The following PCNX2 variants were observed in gnomAD, a reference collection of about 807,000 sequenced individuals.
PCNX2 encodes pecanex-like protein 2.
PCNX2 carries 168 observed loss-of-function variants against 223.8 expected under a neutral mutation model. The observed-to-expected ratio is 0.75, with a 90% CI of 0.66 to 0.85. The LOEUF (loss-of-function observed/expected upper bound fraction) is 0.85, where lower values mean the gene tolerates loss of function less well. PCNX2 is among the 40% of genes least tolerant of loss of function. PCNX2 has a pLI of 0.00. For synonymous variants in PCNX2, 1,006 were observed against 1,052.6 expected (o/e 0.96, Z 0.86); for missense variants, 2,507 against 2,675.5 (o/e 0.94, Z 1.39).
At chr1:233,202,429 T>A (rs1681174137) in intron 13 of PCNX2, among the ~76,000 whole-genome samples, 1 of 152,226 alleles carries the variant, frequency 6.6e-6, no homozygotes, top group South Asian at 2.1e-4. Flanking sequence ...CTTATTTCTT[T>A]TATCAAATGT....
At position 233,295,158 on chromosome 1, in the gene PCNX2, C is replaced by T. The variant is rs761084845; in HGVS notation, c.153+168G>A. Among the ~76,000 whole-genome samples, 6 of 152,158 alleles carry T rather than the reference C, an allele frequency of 3.9e-5. No homozygotes were observed. The highest frequency in any genetic ancestry group is 7.4e-5 in the Non-Finnish European group (5 of 68,016). ...CTTTTCCAGTGAATCCTCACAGTCCCCTTTCCCTGCATGTTCTCTGTCCCA... is the reference window on the plus strand; with the variant it reads ...CTTTTCCAGTGAATCCTCACAGTCCTCTTTCCCTGCATGTTCTCTGTCCCA... On this transcript the variant is annotated intron_variant, in intron 1 of 33. Transcript: ENST00000258229. This position sits in a 1 kb window ranked among gnomAD's most constrained non-coding sequence, Gnocchi z 4.1.
rs1335728376 is a variant in PCNX2 at position 233,126,297 on chromosome 1, A to G, written c.3837+8716T>C. On this transcript the variant is annotated intron_variant, in intron 21 of 33. Coordinates refer to ENST00000258229, the MANE Select transcript of PCNX2 (RefSeq NM_014801.4). This position sits in a 1 kb window ranked among gnomAD's most constrained non-coding sequence, Gnocchi z 4.8. The stretch of plus-strand genomic sequence containing the variant: ...CCCAAGAAGTCCCAAGTACCACAGA[A>G]AAGCTTGGAAACAAACTAGGTGCCT... 1 of 152,222 alleles carries G rather than the reference A, an allele frequency of 6.6e-6. No homozygotes were observed. The highest frequency in any genetic ancestry group is 1.5e-5 in the Non-Finnish European group (1 of 68,044). 9.4% of individuals were successfully genotyped at this position (152,222 alleles called of 1,614,324 possible). A position where few individuals can be genotyped will look rare whatever the true frequency, so the allele number is the denominator to read the frequency against.
intron 8 of PCNX2, among the ~76,000 whole-genome samples, chr1:233,238,077 AG>A (rs1658526125): frequency 6.6e-6 from 1 of 152,218 alleles, no homozygotes; most frequent in African/African-American, 2.4e-5. Context: ...GAAGGGAACT[AG>A]TTTTTTGATG....
At chr1:233,049,193 A>T (rs1464374035) in intron 25 of PCNX2, among the ~76,000 whole-genome samples, 1 of 152,148 alleles carries the variant, frequency 6.6e-6, no homozygotes, top group African/African-American at 2.4e-5. Flanking sequence ...AAAAAAGAAA[A>T]TGACAGGCCA....
rs1223819289 is a variant in PCNX2, at chr1:233,295,520, T to G, written c.-42A>C. 1 of 1,480,548 alleles carries G rather than the reference T, an allele frequency of 6.8e-7. No individual in the cohort carries two copies. Among genetic ancestry groups the G allele is most frequent in the Non-Finnish European group, 9.0e-7 (1 of 1,115,440 alleles). 91.7% of individuals were successfully genotyped at this position (1,480,548 alleles called of 1,614,324 possible). On this transcript the variant is annotated 5_prime_UTR_variant, in exon 1 of 34. Coordinates refer to ENST00000258229, the MANE Select transcript of PCNX2 (RefSeq NM_014801.4). The surrounding 1 kb of genome is among the most constrained non-coding windows in gnomAD (Gnocchi z 4.1). ...GGCTGGTGAGCGCCCCGCTGCACCC[T>G]GCGCGCCCCGGCCGGATCTCCAGGC...
At chr1:233,318,535 C>T in the PCNX2 span, among the ~76,000 whole-genome samples, 2 of 151,098 alleles carry the variant, frequency 1.3e-5, no homozygotes, top group Non-Finnish European at 2.9e-5. Context: ...TTGCATCACT[C>T]CCCCACCATC....
At chr1:232,985,932 C>G (rs746777800) in intron 33 of PCNX2, 160 bp downstream of exon 33, 3 of 779,140 alleles carry the variant, frequency 3.9e-6, no homozygotes, top group Non-Finnish European at 6.5e-6. Flanking sequence ...TAAGCCACTT[C>G]GTGTCTAATC....
In PCNX2 at chr1:232,983,622, G is replaced by A. The variant is rs1172098769; in HGVS notation, c.*682C>T. The A allele has an allele frequency of 1.3e-5, 2 of 152,170 alleles. No homozygotes were observed. The highest frequency in any genetic ancestry group is 6.5e-5 in the Admixed American group (1 of 15,276). 9.4% of individuals were successfully genotyped at this position (152,170 alleles called of 1,614,324 possible). A position where few individuals can be genotyped will look rare whatever the true frequency, so the allele number is the denominator to read the frequency against. On this transcript the variant is annotated 3_prime_UTR_variant, in exon 34 of 34. Coordinates refer to ENST00000258229, the MANE Select transcript of PCNX2 (RefSeq NM_014801.4). ...GCGGTGGATTTCCATGCACCGAATG[G>A]ACTCAGTTTCTAAACTCACATCCTA...
At chr1:233,083,173 C>T (rs998759003) in intron 23 of PCNX2, among the ~76,000 whole-genome samples, 3 of 152,132 alleles carry the variant, frequency 2.0e-5, no homozygotes, top group African/African-American at 7.2e-5. Context: ...ACCTCTGGAG[C>T]AAGGTGAAGG....
At chr1:232,997,946 A>G (rs1669932866) in intron 32 of PCNX2, among the ~76,000 whole-genome samples, 1 of 152,200 alleles carries the variant, frequency 6.6e-6, no homozygotes, top group African/African-American at 2.4e-5. Context: ...AAGGCACACC[A>G]TCAAACGGTC....
chr1:233,279,142 T>C (rs1661055578), intron 1 of PCNX2, among the ~76,000 whole-genome samples: 1 of 152,152 alleles, frequency 6.6e-6, no homozygotes, highest in Non-Finnish European at 1.5e-5. Context: ...TTATCACTGA[T>C]TCTAGGTTTT....
chr1:233,044,825 C>A (rs372830042), intron 25 of PCNX2, among the ~76,000 whole-genome samples: 6 of 152,106 alleles, frequency 3.9e-5, no homozygotes, highest in Admixed American at 3.9e-4. Context: ...CATGCCACCA[C>A]GCCCAGCTGC....
At chr1:233,071,048 T>A (rs1672832821) in intron 23 of PCNX2, among the ~76,000 whole-genome samples, 3 of 151,928 alleles carry the variant, frequency 2.0e-5, no homozygotes, top group Non-Finnish European at 1.5e-5. Flanking sequence ...AAAATAAAAA[T>A]AAAAAAATAA....
chr1:233,099,672 A>C (rs1212832480), intron 21 of PCNX2, among the ~76,000 whole-genome samples: 1 of 152,206 alleles, frequency 6.6e-6, no homozygotes, highest in African/African-American at 2.4e-5. Context: ...AGGTAAAATA[A>C]TTTAAAATGA....
chr1:233,297,617 G>A (rs1236205168), upstream of PCNX2, among the ~76,000 whole-genome samples: 1 of 152,170 alleles, frequency 6.6e-6, no homozygotes, highest in Admixed American at 6.5e-5. Context: ...GAGGAGCATG[G>A]CAATTTGGGG....
Position 233,126,517 on chromosome 1 carries a change from TTGTG to T in PCNX2, c.3837+8492_3837+8495del, listed in dbSNP as rs3033291. Among the ~76,000 whole-genome samples, 49 of 148,032 alleles carry T rather than the reference TTGTG, an allele frequency of 3.3e-4. No individual in the cohort carries two copies. Among genetic ancestry groups the T allele is most frequent in the African/African-American group, 8.6e-4 (35 of 40,686 alleles). ...AAATTTGTGTGGTGTGTGTGTGTGT[TTGTG>T]TGTGTGTGTGTGTGTGTAAATATAC... is the stretch of plus-strand genomic sequence containing the variant. On this transcript the variant is annotated intron_variant, in intron 21 of 33. Transcript: ENST00000258229. The surrounding 1 kb of genome is among the most constrained non-coding windows in gnomAD (Gnocchi z 4.8).
intron 31 of PCNX2, 51 bp from the exon 32 acceptor site, chr1:232,998,489 C>T: frequency 2.0e-5 from 31 of 1,584,596 alleles, no homozygotes; most frequent in Non-Finnish European, 2.3e-5. Context: ...ACTTCCAATC[C>T]CCCTAAATGC....
chr1:233,054,165 A>C, intron 25 of PCNX2, 103 bp downstream of exon 25: 1 of 1,008,202 alleles, frequency 9.9e-7, no homozygotes, highest in South Asian at 1.6e-5. Flanking sequence ...GTAGGAAGAC[A>C]TTAAGTTTTT....
At position 233,295,692 on chromosome 1, in the gene PCNX2, G is replaced by A; in HGVS notation, c.-214C>T. 2.2e-6 allele frequency: 1 copy of A among 457,446 alleles called. No homozygotes were observed. The highest frequency in any genetic ancestry group is 3.5e-6 in the Non-Finnish European group (1 of 284,548). The allele number at this position is 457,446 out of a possible 1,614,324, so 28.3% of individuals were successfully genotyped here. On this transcript the variant is annotated 5_prime_UTR_variant, in exon 1 of 34. Coordinates refer to ENST00000258229, the MANE Select transcript of PCNX2 (RefSeq NM_014801.4). This position sits in a 1 kb window ranked among gnomAD's most constrained non-coding sequence, Gnocchi z 4.1. ...AACCGCGGCGCCGGAGCCGGCTGCTGCGGCCGGGCAGGTGAGCGCCATGTC... is the reference window on the plus strand; with the variant it reads ...AACCGCGGCGCCGGAGCCGGCTGCTACGGCCGGGCAGGTGAGCGCCATGTC...
Sources: allele counts gnomAD v4.1 joint callset (sites outside exome capture counted in the v4.1 genomes callset), GRCh38; gene constraint gnomAD v4.1.1; non-coding constraint Gnocchi (gnomAD v3.1); transcripts MANE v1.5; gene names NCBI Gene and HGNC (gene_info 2026-07-23, HGNC 2026-07-21).